Variants in WDR33 observed in about 807,000 individuals in gnomAD.
WDR33 encodes WD repeat domain 33.
Under a neutral mutation model 164.9 loss-of-function variants are expected in WDR33, and 47 were observed. That is an observed-to-expected ratio of 0.29 (90% confidence interval 0.23 to 0.36). WDR33 has a LOEUF of 0.36. WDR33 is among the 10% of genes least tolerant of loss of function. The pLI is 1.00. For synonymous variants in WDR33, 505 were observed against 589.0 expected (o/e 0.86, Z 2.06); for missense variants, 1,137 against 1,754.1 (o/e 0.65, Z 6.28).
rs1232016612 is a variant in WDR33 at position 127,705,978 on chromosome 2, A to G, written c.*345T>C. Reference sequence around the variant, plus strand: ...TACAAAAACTTTGTTTTTCTCTGACAAACTGTACACATAGAAACAAATTTC... The same window carrying G: ...TACAAAAACTTTGTTTTTCTCTGACGAACTGTACACATAGAAACAAATTTC... On this transcript the variant is annotated 3_prime_UTR_variant, in exon 22 of 22. Coordinates refer to ENST00000322313, the MANE Select transcript of WDR33 (RefSeq NM_018383.5). This position sits in a 1 kb window ranked among gnomAD's most constrained non-coding sequence, Gnocchi z 4.5. 6 of 259,466 alleles carry G rather than the reference A, an allele frequency of 2.3e-5. No individual in the cohort carries two copies. The East Asian group carries it at 4.1e-4, about 18-fold the overall frequency. 16.1% of individuals were successfully genotyped at this position (259,466 alleles called of 1,614,324 possible).
intron 7 of WDR33, among the ~76,000 whole-genome samples, chr2:127,757,033 C>T (rs995739593): frequency 3.3e-5 from 5 of 150,192 alleles, no homozygotes; most frequent in East Asian, 3.9e-4. Context: ...GCCAGTATTG[C>T]GCCACTGCAC....
Position 127,738,022 on chromosome 2 carries a change from G to T in WDR33, c.725-11245C>A, listed in dbSNP as rs375935605. ...ACTGTTATTCACCTCTTGACAGAAA[G>T]GAAGTAACAACGGCAGTGATGAAAA... On this transcript the variant is annotated intron_variant, in intron 7 of 21. Transcript: ENST00000322313. This position sits in a 1 kb window ranked among gnomAD's most constrained non-coding sequence, Gnocchi z 4.4. The T allele has an allele frequency of 1.9e-6, 3 of 1,612,836 alleles. No individual in the cohort carries two copies. Among genetic ancestry groups the T allele is most frequent in the African/African-American group, 1.3e-5 (1 of 74,816 alleles).
At chr2:127,728,566 T>C (rs529088096) in intron 7 of WDR33, among the ~76,000 whole-genome samples, 4 of 152,336 alleles carry the variant, frequency 2.6e-5, no homozygotes, top group African/African-American at 7.2e-5. Flanking sequence ...TGTTGCTTTG[T>C]CTTTTAAAAA....
chr2:127,785,779 T>C (rs964032718), intron 1 of WDR33, among the ~76,000 whole-genome samples: 2 of 152,206 alleles, frequency 1.3e-5, no homozygotes, highest in African/African-American at 4.8e-5. Flanking sequence ...AAAACTACTA[T>C]AAACATTTGT....
rs1278091453 is a variant in WDR33, at chr2:127,741,679, AAGCAAGT to A, written c.725-14909_725-14903del. Among the ~76,000 whole-genome samples, 5 of 152,232 alleles carry A rather than the reference AAGCAAGT, an allele frequency of 3.3e-5. No homozygotes were observed. The highest frequency in any genetic ancestry group is 1.5e-5 in the Non-Finnish European group (1 of 68,048). On this transcript the variant is annotated intron_variant, in intron 7 of 21. Transcript: ENST00000322313. This position sits in a 1 kb window ranked among gnomAD's most constrained non-coding sequence, Gnocchi z 4.1. The stretch of plus-strand genomic sequence containing the variant: ...AAGGGTCACTGCGTTATTTGAGAAA[AAGCAAGT>A]ACCAGGAAAGAGAAAAATACAGATT...
intron 1 of WDR33, among the ~76,000 whole-genome samples, chr2:127,800,462 G>A (rs544316649): frequency 3.3e-5 from 5 of 152,030 alleles, no homozygotes; most frequent in South Asian, 2.1e-4. Flanking sequence ...GTGAAACCCC[G>A]TCTCTGTTAA....
intron 7 of WDR33, among the ~76,000 whole-genome samples, chr2:127,748,866 T>C (rs1227197481): frequency 1.5e-5 from 2 of 134,992 alleles, no homozygotes; most frequent in African/African-American, 5.7e-5. Flanking sequence ...TAACAGGGCC[T>C]CCTAGGTAGC....
chr2:127,726,720 G>A lies in WDR33; in HGVS notation c.782C>T (p.Ser261Leu). The change falls in exon 8 of 22, where the codon TCA becomes TTA. Residue 261 changes from serine to leucine, a missense_variant. This residue lies in a region of WDR33 where 83 missense variants were observed against 189.2 expected (regional missense o/e 0.44). Transcript: ENST00000322313. This position sits in a 1 kb window ranked among gnomAD's most constrained non-coding sequence, Gnocchi z 4.8. ...TGGCTGTTGACTATCTTTACTTCCT[G>A]AAACAACTAACCCTTTGGTTGGATG... ...DWHPTKGLVV[S>L]GSKDSQQPIK... 1 of 1,614,120 alleles carries A rather than the reference G, an allele frequency of 6.2e-7. No homozygotes were observed. Among genetic ancestry groups the A allele is most frequent in the Non-Finnish European group, 8.5e-7 (1 of 1,180,026 alleles).
Position 127,713,674 on chromosome 2 carries a change from G to C in WDR33, c.3217C>G (p.Pro1073Ala). ...EGDGRGAARG[P>A]PGAWEGRRPG... is the part of the protein sequence containing the mutation. ...CTGCGGCCTTCCCATGCCCCCGGAG[G>C]GCCTCGGGCTGCACCCCGGCCATCC... The change falls in exon 18 of 22, where the codon CCT becomes GCT. Residue 1073 changes from proline to alanine, a missense_variant. By Grantham distance (27) the Pro-to-Ala change is conservative. Transcript: ENST00000322313. This position sits in a 1 kb window ranked among gnomAD's most constrained non-coding sequence, Gnocchi z 6.2. 6.2e-7 allele frequency: 1 copy of C among 1,614,214 alleles called. No homozygotes were observed. Among genetic ancestry groups the C allele is most frequent in the Middle Eastern group, 1.6e-4 (1 of 6,062 alleles).
chr2:127,781,985 C>T (rs1279262096), intron 1 of WDR33, among the ~76,000 whole-genome samples: 2 of 105,204 alleles, frequency 1.9e-5, no homozygotes, highest in African/African-American at 4.0e-5. Context: ...GCAAGAAGAG[C>T]GAAACTCTTT....
intron 1 of WDR33, among the ~76,000 whole-genome samples, chr2:127,792,662 T>G (rs900717621): frequency 3.3e-5 from 5 of 150,236 alleles, no homozygotes; most frequent in Admixed American, 2.7e-4. Flanking sequence ...CAAAAAAGAG[T>G]GAGACCCCGT....
Position 127,721,684 on chromosome 2 carries a change from G to T in WDR33, c.1671+152C>A. The T allele has an allele frequency of 1.3e-6, 1 of 744,892 alleles. No individual in the cohort carries two copies. 46.1% of individuals were successfully genotyped at this position (744,892 alleles called of 1,614,324 possible). A position where few individuals can be genotyped will look rare whatever the true frequency, so the allele number is the denominator to read the frequency against. On this transcript the variant is annotated intron_variant, in intron 15 of 21. Coordinates refer to ENST00000322313, the MANE Select transcript of WDR33 (RefSeq NM_018383.5). This position sits in a 1 kb window ranked among gnomAD's most constrained non-coding sequence, Gnocchi z 4.9. ...AAATTTTAAGAAACAGGATTCTTTT[G>T]GAAACTAGTCTTCTAGCATAGCAAC...
At chr2:127,732,886 C>G (rs1286883917) in intron 7 of WDR33, among the ~76,000 whole-genome samples, 1 of 152,080 alleles carries the variant, frequency 6.6e-6, no homozygotes, top group East Asian at 1.9e-4. Flanking sequence ...AAACATTAAG[C>G]CTAAAGAATG....
rs1384164461 is a variant in WDR33 at position 127,723,053 on chromosome 2, A to C, written c.1292-9T>G. On this transcript the variant is annotated splice_polypyrimidine_tract_variant and intron_variant, in intron 12 of 21. Transcript: ENST00000322313. The surrounding 1 kb of genome is among the most constrained non-coding windows in gnomAD (Gnocchi z 5.9). ...ATTAGGTTCGAGGTCATCTATAAAT[A>C]GTAATACACCATTGTCAATAGAGAA... 6.3e-7 allele frequency: 1 copy of C among 1,595,822 alleles called. No homozygotes were observed.
rs539399582 is a variant in WDR33 at position 127,801,104 on chromosome 2, G to GGA, written c.-24+9907_-24+9908insTC. On this transcript the variant is annotated intron_variant, in intron 1 of 21. Coordinates refer to ENST00000322313, the MANE Select transcript of WDR33 (RefSeq NM_018383.5). ...CAACATAGTGAGACCCTGTCTCTAG[G>GGA]AAAAAAAAAAAAAAGAAAAGAAAAA... 5.3e-3 allele frequency among the ~76,000 whole-genome samples: 731 copies of GGA among 137,350 alleles called. 7 individuals are homozygous for GGA. Among genetic ancestry groups the GGA allele is most frequent in the African/African-American group, 0.019 (701 of 37,258 alleles). The allele number at this position is 137,350 out of a possible 152,430, so 90.1% of individuals were successfully genotyped here.
At chr2:127,707,275 T>A (rs1242498027) in intron 21 of WDR33, among the ~76,000 whole-genome samples, 11 of 150,136 alleles carry the variant, frequency 7.3e-5, no homozygotes, top group Non-Finnish European at 1.5e-4. Flanking sequence ...GGAAAAAAAA[T>A]TCTATCTTGT....
At chr2:127,745,306 G>A (rs554343325) in intron 7 of WDR33, among the ~76,000 whole-genome samples, 22 of 152,226 alleles carry the variant, frequency 1.4e-4, no homozygotes, top group Non-Finnish European at 2.4e-4. Context: ...TCAGATATCT[G>A]CAGCAGCATT....
chr2:127,747,232 G>A (rs1334879565), intron 7 of WDR33, among the ~76,000 whole-genome samples: 1 of 152,066 alleles, frequency 6.6e-6, no homozygotes, highest in Non-Finnish European at 1.5e-5. Flanking sequence ...TGGTAACTCT[G>A]GAATATGCTG....
chr2:127,738,269 C>T lies in WDR33; in HGVS notation c.725-11492G>A, dbSNP rs1686912646. Among the ~76,000 whole-genome samples, 2 of 152,122 alleles carry T rather than the reference C, an allele frequency of 1.3e-5. No individual in the cohort carries two copies. Among genetic ancestry groups the T allele is most frequent in the African/African-American group, 2.4e-5 (1 of 41,430 alleles). On this transcript the variant is annotated intron_variant, in intron 7 of 21. Transcript: ENST00000322313. This position sits in a 1 kb window ranked among gnomAD's most constrained non-coding sequence, Gnocchi z 4.4. ...AATCTGAGAAAACTTCAACTGGGAG[C>T]TGGTTATATTATTAATTTCCACCAT...
Sources: gnomAD v4.1 joint callset for allele counts (sites outside exome capture counted in the v4.1 genomes callset) on GRCh38, gnomAD v4.1.1 for gene constraint, gnomAD v4.1.1 regional missense constraint, Gnocchi (gnomAD v3.1) non-coding constraint, MANE v1.5 for transcripts, NCBI Gene and HGNC (gene_info 2026-07-23, HGNC 2026-07-21) for gene names.